The following MAPK8 variants were observed in gnomAD, a reference collection of about 807,000 sequenced individuals.
MAPK8 encodes the protein mitogen-activated protein kinase 8.
In MAPK8, 13 loss-of-function variants were observed where a neutral mutation model predicts 52.9. The observed-to-expected ratio is 0.25, with a 90% CI of 0.16 to 0.39. The LOEUF is 0.39. Among genes scored for constraint, MAPK8 ranks in the 10% least tolerant of loss-of-function variants. The pLI is 1.00. For missense variants in MAPK8, 300 were observed against 519.2 expected, an observed-to-expected ratio of 0.58 and a Z score of 4.10; for synonymous variants, 191 against 169.8, an observed-to-expected ratio of 1.12 and a Z score of -0.97.
intron 1 of MAPK8, among the ~76,000 whole-genome samples, chr10:48,317,283 TC>T (rs570501658): frequency 5.9e-5 from 9 of 152,272 alleles, no homozygotes; most frequent in Non-Finnish European, 1.2e-4. Context: ...AAGTGAATCT[TC>T]CTGTCTCAGC....
chr10:48,431,395 TAAGGAA>T, intron 11 of MAPK8, 125 bp downstream of exon 11: 1 of 664,470 alleles, frequency 1.5e-6, no homozygotes, highest in East Asian at 2.8e-5. Flanking sequence ...TTAATAAGTA[TAAGGAA>T]ATACAGTTTT....
At chr10:48,424,300 TTGAGA>T in intron 7 of MAPK8, 141 bp downstream of exon 7, 1 of 823,928 alleles carries the variant, frequency 1.2e-6, no homozygotes, top group Non-Finnish European at 1.9e-6. Flanking sequence ...TCAAAAATTG[TTGAGA>T]TAAGAAGCTG....
In MAPK8 at chr10:48,426,638, G is replaced by T. The variant is rs969118139; in HGVS notation, c.996+134G>T. ...TGATGATGTTTTTCTGTTTCTTCAT[G>T]AAGACTACGTCAAATAAACTAATGA... On this transcript the variant is annotated intron_variant, in intron 9 of 11. Coordinates refer to ENST00000374189, the MANE Select transcript of MAPK8 (RefSeq NM_001323329.2). 4 of 810,600 alleles carry T rather than the reference G, an allele frequency of 4.9e-6. No individual in the cohort carries two copies. The East Asian group carries it at 1.2e-4, about 24-fold the overall frequency. 50.2% of individuals were successfully genotyped at this position (810,600 alleles called of 1,614,324 possible).
At chr10:48,351,532 C>T (rs1846326596) in intron 1 of MAPK8, among the ~76,000 whole-genome samples, 1 of 151,436 alleles carries the variant, frequency 6.6e-6, no homozygotes, top group Admixed American at 6.6e-5. Flanking sequence ...TTAAAGGAGT[C>T]ATCAAGACAG....
intron 1 of MAPK8, among the ~76,000 whole-genome samples, chr10:48,366,648 CAT>C (rs1168651632): frequency 5.3e-5 from 8 of 152,176 alleles, no homozygotes; most frequent in Admixed American, 3.3e-4. Context: ...ATCCTTACCA[CAT>C]GAGTTACATC....
intron 5 of MAPK8, among the ~76,000 whole-genome samples, chr10:48,416,018 G>A (rs1000277046): frequency 1.3e-5 from 2 of 152,068 alleles, no homozygotes; most frequent in African/African-American, 4.8e-5. Context: ...TCTAGAGTGG[G>A]GATACGCATT....
chr10:48,371,196 A>C (rs929854208), intron 1 of MAPK8, among the ~76,000 whole-genome samples: 27 of 152,290 alleles, frequency 1.8e-4, no homozygotes, highest in South Asian at 1.0e-3. Context: ...TTTTTAAAAT[A>C]ACTTTAATTT....
intron 3 of MAPK8, among the ~76,000 whole-genome samples, chr10:48,405,728 C>T (rs2042429105): frequency 6.6e-6 from 1 of 152,078 alleles, no homozygotes; most frequent in Non-Finnish European, 1.5e-5. Context: ...AGTCCTAAAC[C>T]GAAGGCATCT....
chr10:48,414,709 A>G (rs1004339061), intron 5 of MAPK8, among the ~76,000 whole-genome samples: 4 of 150,738 alleles, frequency 2.7e-5, no homozygotes, highest in African/African-American at 9.8e-5. Flanking sequence ...CCAAGTAGCT[A>G]AGACTATGGA....
chr10:48,380,174 G>A lies in MAPK8; in HGVS notation c.-49-21438G>A, dbSNP rs185168559. Among the ~76,000 whole-genome samples the A allele has an allele frequency of 7.0e-3, 1,062 of 151,962 alleles. 15 individuals carry two copies. The highest frequency in any genetic ancestry group is 0.023 in the African/African-American group (954 of 41,428). On this transcript the variant is annotated intron_variant, in intron 1 of 11. Transcript: ENST00000374189. ...GGAGAATCACTTGAACCTGGGAGGCGGATGTTGCAGTGAGCTGAGATCATG... is the reference window on the plus strand; with the variant it reads ...GGAGAATCACTTGAACCTGGGAGGCAGATGTTGCAGTGAGCTGAGATCATG...
intron 1 of MAPK8, among the ~76,000 whole-genome samples, chr10:48,318,541 A>G (rs1333269550): frequency 6.6e-6 from 1 of 152,242 alleles, no homozygotes; most frequent in Non-Finnish European, 1.5e-5. Context: ...ATTGAATGCC[A>G]TGGTCAGAGT....
intron 1 of MAPK8, among the ~76,000 whole-genome samples, chr10:48,311,997 G>A (rs1842025011): frequency 6.6e-6 from 1 of 152,202 alleles, no homozygotes; most frequent in Non-Finnish European, 1.5e-5. Context: ...TAGAAGATAA[G>A]GATTAACGTA....
intron 5 of MAPK8, 83 bp downstream of exon 5, chr10:48,410,251 G>A (rs1042457447): frequency 2.1e-5 from 26 of 1,240,194 alleles, no homozygotes; most frequent in African/African-American, 1.2e-4. Flanking sequence ...TTCTAAAGTG[G>A]CATTTTTAGT....
chr10:48,316,613 T>C lies in MAPK8; in HGVS notation c.-50+9792T>C, dbSNP rs1268012313. On this transcript the variant is annotated intron_variant, in intron 1 of 11. Transcript: ENST00000374189. ...GTGAATGAATGTAGACAGGAGGGTCTTAAGCTTGGAAAAATGCAAAAATCA... is the reference window on the plus strand; with the variant it reads ...GTGAATGAATGTAGACAGGAGGGTCCTAAGCTTGGAAAAATGCAAAAATCA... Among the ~76,000 whole-genome samples, 4 of 152,286 alleles carry C rather than the reference T, an allele frequency of 2.6e-5. No homozygotes were observed. The East Asian group carries it at 7.7e-4, about 29-fold the overall frequency.
intron 6 of MAPK8, among the ~76,000 whole-genome samples, chr10:48,422,817 G>C (rs566120144): frequency 1.3e-5 from 2 of 152,226 alleles, no homozygotes; most frequent in South Asian, 4.1e-4. Context: ...TAGTTCCACA[G>C]TATTTCCAAA....
At chr10:48,330,069 TACATGGGTACAC>T (rs1250102790) in intron 1 of MAPK8, among the ~76,000 whole-genome samples, 13 of 152,204 alleles carry the variant, frequency 8.5e-5, no homozygotes, top group Admixed American at 5.2e-4. Flanking sequence ...GAGATTTATA[TACATGGGTACAC>T]ACATGTATAA....
At position 48,425,994 on chromosome 10, in the gene MAPK8, A is replaced by G. The variant is rs201458109; in HGVS notation, c.795A>G (p.Lys265=). The change falls in exon 8 of 12, where the codon AAA becomes AAG. Residue 265 remains lysine (K), a synonymous_variant. Coordinates refer to ENST00000374189, the MANE Select transcript of MAPK8 (RefSeq NM_001323329.2). The part of the protein sequence containing the change: ...TVRTYVENRP[K]YAGYSFEKLF... ...GGACTTACGTTGAAAACAGACCTAAATATGCTGGATATAGCTTTGAGAAAC... is the reference window on the plus strand; with the variant it reads ...GGACTTACGTTGAAAACAGACCTAAGTATGCTGGATATAGCTTTGAGAAAC... The G allele has an allele frequency of 3.3e-5, 53 of 1,613,206 alleles. No homozygotes were observed. The highest frequency in any genetic ancestry group is 4.5e-5 in the Non-Finnish European group (53 of 1,179,548).
intron 1 of MAPK8, among the ~76,000 whole-genome samples, chr10:48,329,517 T>A (rs28407401): frequency 0.077 from 11,531 of 149,920 alleles, 757 homozygotes; most frequent in African/African-American, 0.18. Context: ...CCTTTTTTTT[T>A]AAAAAAAAAA....
At chr10:48,353,208 G>A (rs1846510870) in intron 1 of MAPK8, among the ~76,000 whole-genome samples, 1 of 152,092 alleles carries the variant, frequency 6.6e-6, no homozygotes. Context: ...AATTTCAGCA[G>A]GTTCTTTTTG....
Sources: gnomAD v4.1 joint callset for allele counts (sites outside exome capture counted in the v4.1 genomes callset) on GRCh38, gnomAD v4.1.1 for gene constraint, MANE v1.5 for transcripts, NCBI Gene and HGNC (gene_info 2026-07-23, HGNC 2026-07-21) for gene names.